The following MBNL3 variants were observed in gnomAD, a reference collection of about 807,000 sequenced individuals.
MBNL3 encodes muscleblind like splicing regulator 3, also known as muscleblind-like protein 3.
Under a neutral mutation model 24.5 loss-of-function variants are expected in MBNL3, and 6 were observed. That is an observed-to-expected ratio of 0.25 (90% CI 0.13 to 0.48). The LOEUF is 0.48. MBNL3 is among the 20% of genes least tolerant of loss of function. The pLI, the probability that MBNL3 is intolerant of heterozygous loss-of-function variation, is 0.99. For synonymous variants in MBNL3, 100 were observed against 101.7 expected (o/e 0.98, Z 0.10); for missense variants, 230 against 293.5 (o/e 0.78, Z 1.58).
At chrX:132,396,270 T>C (rs770866438) in intron 3 of MBNL3, among the ~76,000 whole-genome samples, 1 of 102,605 alleles carries the variant, frequency 9.7e-6, no homozygotes, top group Admixed American at 1.1e-4. Context: ...TTCTAAATGA[T>C]TTCAAAAAAT....
At chrX:132,408,742 T>C (rs1428679751) in intron 2 of MBNL3, among the ~76,000 whole-genome samples, 1 of 111,322 alleles carries the variant, frequency 9.0e-6, no homozygotes, top group Non-Finnish European at 1.9e-5. Flanking sequence ...TACACAGAAA[T>C]AGAAAAAAAG....
At chrX:132,396,419 T>C (rs1938453320) in intron 3 of MBNL3, among the ~76,000 whole-genome samples, 1 of 79,576 alleles carries the variant, frequency 1.3e-5, no homozygotes, top group Non-Finnish European at 2.3e-5. Context: ...TATATTCCTA[T>C]ATATATATTC....
intron 1 of MBNL3, among the ~76,000 whole-genome samples, chrX:132,448,851 A>C (rs769887467): frequency 4.5e-5 from 5 of 111,805 alleles, no homozygotes; most frequent in African/African-American, 1.6e-4. Flanking sequence ...CTTTGTTCTC[A>C]TTGGTTTCAA....
intron 2 of MBNL3, among the ~76,000 whole-genome samples, chrX:132,438,597 A>G (rs1473144860): frequency 9.1e-6 from 1 of 110,233 alleles, no homozygotes; most frequent in Non-Finnish European, 1.9e-5. Flanking sequence ...ATTATAATTT[A>G]TTGCTTCTAT....
intron 2 of MBNL3, among the ~76,000 whole-genome samples, chrX:132,410,946 C>T (rs769757730): frequency 8.9e-6 from 1 of 112,265 alleles, no homozygotes; most frequent in South Asian, 3.7e-4. Flanking sequence ...TAATCTGCAT[C>T]ATTTTCTCCT....
intron 2 of MBNL3, among the ~76,000 whole-genome samples, chrX:132,419,178 A>G (rs1222163679): frequency 3.6e-5 from 4 of 112,663 alleles, no homozygotes; most frequent in East Asian, 2.8e-4. Context: ...ATGTTTGCAC[A>G]GTAGCATTTC....
At chrX:132,415,269 C>T (rs193218378) in intron 2 of MBNL3, among the ~76,000 whole-genome samples, 1 of 112,053 alleles carries the variant, frequency 8.9e-6, no homozygotes, top group East Asian at 2.8e-4. Flanking sequence ...TAACCTTAAA[C>T]CTTGGGGTTT....
intron 2 of MBNL3, among the ~76,000 whole-genome samples, chrX:132,438,180 T>C (rs1319617656): frequency 8.9e-6 from 1 of 112,188 alleles, no homozygotes; most frequent in African/African-American, 3.2e-5. Flanking sequence ...ATTTAAAATA[T>C]TGTATAACAT....
chrX:132,384,588 C>T, intron 7 of MBNL3, 75 bp downstream of exon 7: 1 of 926,347 alleles, frequency 1.1e-6, no homozygotes, highest in Non-Finnish European at 1.5e-6. Context: ...TTCAGTCATT[C>T]ATCTTTCATA....
intron 1 of MBNL3, among the ~76,000 whole-genome samples, chrX:132,443,983 G>GCCCCC (rs1569453028): frequency 2.0e-4 from 1 of 5,115 alleles, no homozygotes; most frequent in African/African-American, 9.9e-4. Context: ...TGACTCCAGA[G>GCCCCC]TCCGCCCCCC....
At chrX:132,419,107 T>C (rs1279516866) in intron 2 of MBNL3, among the ~76,000 whole-genome samples, 1 of 112,964 alleles carries the variant, frequency 8.9e-6, no homozygotes, top group Non-Finnish European at 1.9e-5. Flanking sequence ...TAGCCTTCCA[T>C]AATTCCTGAA....
chrX:132,379,687 A>G lies in MBNL3; in HGVS notation c.1054-10T>C, dbSNP rs763397782. 2 of 1,115,029 alleles carry G rather than the reference A, an allele frequency of 1.8e-6. No individual in the cohort carries two copies. Among genetic ancestry groups the G allele is most frequent in the South Asian group, 1.9e-5 (1 of 51,292 alleles). The allele number at this position is 1,115,029 out of a possible 1,213,427, so 91.9% of individuals were successfully genotyped here. On this transcript the variant is annotated splice_polypyrimidine_tract_variant and intron_variant, in intron 8 of 8. Coordinates refer to ENST00000370853, the MANE Select transcript of MBNL3 (RefSeq NM_001386889.1). The stretch of plus-strand genomic sequence containing the variant: ...CTGTTCAGAATTTCAGCTGAAATGG[A>G]AAAAAAAAGAAAGAAAGAAAGAGTG...
chrX:132,464,341 C>T (rs779115643), intron 1 of MBNL3, among the ~76,000 whole-genome samples: 1 of 112,161 alleles, frequency 8.9e-6, no homozygotes, highest in East Asian at 2.8e-4. Flanking sequence ...CAGTTGGGTT[C>T]TACTTAATTA....
chrX:132,444,392 A>G (rs1293268110), intron 1 of MBNL3, among the ~76,000 whole-genome samples: 3 of 111,217 alleles, frequency 2.7e-5, no homozygotes, highest in Non-Finnish European at 5.7e-5. Flanking sequence ...TTGGGATGAC[A>G]ATATCTAGGA....
At chrX:132,426,637 A>G (rs1944329340) in intron 2 of MBNL3, among the ~76,000 whole-genome samples, 1 of 111,329 alleles carries the variant, frequency 9.0e-6, no homozygotes, top group Admixed American at 9.5e-5. Flanking sequence ...TTCCTTCTTC[A>G]AAGAACACCT....
In MBNL3 at chrX:132,444,641, A is replaced by G. The variant is rs762561911; in HGVS notation, c.-703-4327T>C. Among the ~76,000 whole-genome samples the G allele has an allele frequency of 8.1e-5, 9 of 111,675 alleles. No individual in the cohort carries two copies. The East Asian group carries it at 2.5e-3, about 32-fold the overall frequency. On this transcript the variant is annotated intron_variant, in intron 1 of 8. Transcript: ENST00000370853. ...CCACAGGAAGAAACCTTTCATAAGT[A>G]TTCTTCCATGAAAATAAAATAGTTA...
rs990664857 is a variant in MBNL3, at chrX:132,371,602, G to T, written c.*8064C>A. ...CACTGGTTTCATATGTTACACTAGG[G>T]ATGCAGGATAGACATGAATAACTGG... On this transcript the variant is annotated 3_prime_UTR_variant, in exon 9 of 9. Coordinates refer to ENST00000370853, the MANE Select transcript of MBNL3 (RefSeq NM_001386889.1). The T allele has an allele frequency of 4.5e-5, 5 of 111,329 alleles. No homozygotes were observed. Among genetic ancestry groups the T allele is most frequent in the African/African-American group, 1.6e-4 (5 of 30,690 alleles). 9.2% of individuals were successfully genotyped at this position (111,329 alleles called of 1,213,427 possible). A position where few individuals can be genotyped will look rare whatever the true frequency, so the allele number is the denominator to read the frequency against.
chrX:132,438,122 T>C (rs1459275659), intron 2 of MBNL3, among the ~76,000 whole-genome samples: 1 of 112,148 alleles, frequency 8.9e-6, no homozygotes, highest in Non-Finnish European at 1.9e-5. Flanking sequence ...ATGACGCTTT[T>C]GTTTTCTGAT....
intron 1 of MBNL3, among the ~76,000 whole-genome samples, chrX:132,484,098 C>G (rs1482418580): frequency 9.0e-6 from 1 of 111,285 alleles, no homozygotes; most frequent in Non-Finnish European, 1.9e-5. Flanking sequence ...CTAAATGCAA[C>G]TACAGGTGAA....
Sources: allele counts gnomAD v4.1 joint callset (sites outside exome capture counted in the v4.1 genomes callset), GRCh38; gene constraint gnomAD v4.1.1; transcripts MANE v1.5; gene names NCBI Gene and HGNC (gene_info 2026-07-23, HGNC 2026-07-21).